WFDC1: variants seen among roughly 807,000 people sequenced by gnomAD.
The protein encoded by WFDC1 is WAP four-disulfide core domain protein 1.
Under a neutral mutation model 32.9 loss-of-function variants are expected in WFDC1, and 39 were observed. That is an observed-to-expected ratio of 1.19 (90% confidence interval 0.92 to 1.55). The LOEUF is 1.55. WFDC1 is among the 40% of genes most tolerant of loss of function. The pLI, the probability that WFDC1 is intolerant of heterozygous loss-of-function variation, is 0.00. For synonymous variants in WFDC1, 184 were observed against 137.4 expected, an observed-to-expected ratio of 1.34 and a Z score of -2.37; for missense variants, 386 against 309.5, an observed-to-expected ratio of 1.25 and a Z score of -1.85.
intron 1 of WFDC1, among the ~76,000 whole-genome samples, chr16:84,297,482 C>T (rs559341646): frequency 3.8e-4 from 57 of 151,994 alleles, no homozygotes; most frequent in Admixed American, 1.6e-3. Flanking sequence ...CTGGGTGTGG[C>T]GGCAAATGCC....
intron 1 of WFDC1, among the ~76,000 whole-genome samples, chr16:84,297,284 C>A (rs1273354627): frequency 1.3e-5 from 2 of 152,150 alleles, no homozygotes; most frequent in African/African-American, 2.4e-5. Context: ...AGATATTGGC[C>A]TCCTTCCTCA....
intron 1 of WFDC1, among the ~76,000 whole-genome samples, chr16:84,298,586 T>C (rs1906748309): frequency 6.6e-6 from 1 of 152,128 alleles, no homozygotes; most frequent in Non-Finnish European, 1.5e-5. Context: ...GCTGGGAGTA[T>C]TTACACCTTG....
intron 5 of WFDC1, 158 bp from the exon 6 acceptor site, chr16:84,326,724 A>C: frequency 1.4e-6 from 1 of 721,698 alleles, no homozygotes; most frequent in Non-Finnish European, 2.4e-6. Flanking sequence ...CTGGGGAGGG[A>C]GAGGAGGCAC....
chr16:84,306,641 G>A (rs140053923), intron 1 of WFDC1, among the ~76,000 whole-genome samples: 2,249 of 152,312 alleles, frequency 0.015, 30 homozygotes, highest in Non-Finnish European at 0.022. Context: ...CCACACCTGT[G>A]CAGGACCCCT....
chr16:84,314,581 C>G lies in WFDC1; in HGVS notation c.337+1428C>G, dbSNP rs144419356. On this transcript the variant is annotated intron_variant, in intron 2 of 6. Transcript: ENST00000219454. Reference sequence around the variant, plus strand: ...CTTTGTTTTCTTTGGGGTGAGGTCACAGCGATGACAGGGGACTCAGCACAC... The same window carrying G: ...CTTTGTTTTCTTTGGGGTGAGGTCAGAGCGATGACAGGGGACTCAGCACAC... Among the ~76,000 whole-genome samples the G allele has an allele frequency of 2.0e-5, 3 of 152,242 alleles. No individual in the cohort carries two copies. The East Asian group carries it at 5.8e-4, about 29-fold the overall frequency.
chr16:84,296,215 AC>A (rs1323029688), intron 1 of WFDC1, among the ~76,000 whole-genome samples: 1 of 152,210 alleles, frequency 6.6e-6, no homozygotes, highest in East Asian at 1.9e-4. Flanking sequence ...AGTATGTAGA[AC>A]GTCTTTGCAA....
chr16:84,297,641 A>ACC (rs1555543157), intron 1 of WFDC1, among the ~76,000 whole-genome samples: 1 of 129,282 alleles, frequency 7.7e-6, no homozygotes, highest in Admixed American at 8.3e-5. Flanking sequence ...AAAAAAAAAA[A>ACC]AAAAAACTGT....
intron 2 of WFDC1, chr16:84,316,795 T>A (rs975450831): frequency 6.6e-6 from 1 of 151,766 alleles, no homozygotes; most frequent in East Asian, 1.9e-4. Flanking sequence ...CTGGCCAACA[T>A]GGCAAAAACC....
chr16:84,314,921 T>C (rs998536425), intron 2 of WFDC1, among the ~76,000 whole-genome samples: 1 of 152,232 alleles, frequency 6.6e-6, no homozygotes, highest in African/African-American at 2.4e-5. Context: ...GCATTCCCAA[T>C]AGCCTTTTCA....
rs1273563161 is a variant in WFDC1, at chr16:84,326,480, C to T, written c.605-402C>T. 4.9e-5 allele frequency: 9 copies of T among 183,012 alleles called. No homozygotes were observed. In the East Asian group the frequency reaches 1.2e-3, roughly 24 times the overall value. The allele number at this position is 183,012 out of a possible 1,614,324, so 11.3% of individuals were successfully genotyped here. A position where few individuals can be genotyped will look rare whatever the true frequency, so the allele number is the denominator to read the frequency against. ...TGACAAGCCTTCCTGACATCACATG[C>T]TGGATACTATGAGGACACCTTAGTC... On this transcript the variant is annotated intron_variant, in intron 5 of 6. Coordinates refer to ENST00000219454, the MANE Select transcript of WFDC1 (RefSeq NM_021197.4).
At chr16:84,306,265 C>T (rs1907251288) in intron 1 of WFDC1, among the ~76,000 whole-genome samples, 1 of 152,166 alleles carries the variant, frequency 6.6e-6, no homozygotes, top group Admixed American at 6.5e-5. Context: ...TACACCTGAG[C>T]CCTTAATCCC....
At chr16:84,326,168 T>C (rs1908588987) in intron 5 of WFDC1, 1 of 150,674 alleles carries the variant, frequency 6.6e-6, no homozygotes, top group South Asian at 2.1e-4. Context: ...CACCCACCCA[T>C]ATATCCATGC....
intron 2 of WFDC1, among the ~76,000 whole-genome samples, chr16:84,315,617 G>A (rs1357328071): frequency 6.6e-6 from 1 of 152,168 alleles, no homozygotes; most frequent in Non-Finnish European, 1.5e-5. Flanking sequence ...TGCTGGGCAG[G>A]GGGGCGCTCT....
chr16:84,302,334 C>T (rs900790351), intron 1 of WFDC1, among the ~76,000 whole-genome samples: 3 of 152,156 alleles, frequency 2.0e-5, no homozygotes, highest in Non-Finnish European at 2.9e-5. Context: ...CCAACTCGCA[C>T]ACTTAAGATG....
chr16:84,323,923 C>G (rs1216346376), intron 4 of WFDC1, among the ~76,000 whole-genome samples: 1 of 152,188 alleles, frequency 6.6e-6, no homozygotes, highest in Admixed American at 6.5e-5. Context: ...GAGTTCGAGG[C>G]CAGCCTGACC....
intron 1 of WFDC1, 137 bp downstream of exon 1, chr16:84,295,252 G>A: frequency 8.7e-7 from 1 of 1,155,752 alleles, no homozygotes; most frequent in Admixed American, 2.7e-5. Context: ...TCCTATCCGT[G>A]TGTGTCTGAG....
At chr16:84,299,532 C>T (rs903175405) in intron 1 of WFDC1, among the ~76,000 whole-genome samples, 2 of 152,190 alleles carry the variant, frequency 1.3e-5, no homozygotes, top group African/African-American at 4.8e-5. Context: ...TTTTTCTTTC[C>T]TGGCATTAGA....
At position 84,305,814 on chromosome 16, in the gene WFDC1, C is replaced by T. The variant is rs145524181; in HGVS notation, c.145-7147C>T. Among the ~76,000 whole-genome samples the T allele has an allele frequency of 2.0e-3, 304 of 151,984 alleles. 3 individuals are homozygous for T. Among genetic ancestry groups the T allele is most frequent in the African/African-American group, 6.9e-3 (288 of 41,470 alleles). On this transcript the variant is annotated intron_variant, in intron 1 of 6. Transcript: ENST00000219454. ...CTCAGGAGTTCAAGACCATCCTGGG[C>T]AACAAGGCAAAACCCCATCTCTACT...
intron 1 of WFDC1, among the ~76,000 whole-genome samples, chr16:84,307,009 G>A (rs1233951112): frequency 2.0e-5 from 3 of 152,176 alleles, no homozygotes; most frequent in Non-Finnish European, 4.4e-5. Flanking sequence ...GGCTGTATGA[G>A]CAGATCCCAG....
Sources: gnomAD v4.1 joint callset for allele counts (sites outside exome capture counted in the v4.1 genomes callset) on GRCh38, gnomAD v4.1.1 for gene constraint, MANE v1.5 for transcripts, NCBI Gene and HGNC (gene_info 2026-07-23, HGNC 2026-07-21) for gene names.